The following MYO18A variants were observed in gnomAD, a reference collection of about 807,000 sequenced individuals.
MYO18A encodes myosin XVIIIA, also known as unconventional myosin-XVIIIa.
In MYO18A, 78 loss-of-function variants were observed where a neutral mutation model predicts 235.8. The observed-to-expected ratio is 0.33, with a 90% CI of 0.28 to 0.40. The LOEUF (loss-of-function observed/expected upper bound fraction) is 0.40, where lower values mean the gene tolerates loss of function less well. Among genes scored for constraint, MYO18A ranks in the 10% least tolerant of loss-of-function variants. The pLI is 1.00. For missense variants in MYO18A, 2,215 were observed against 2,699.3 expected, an observed-to-expected ratio of 0.82 and a Z score of 3.98; for synonymous variants, 977 against 1,077.8, an observed-to-expected ratio of 0.91 and a Z score of 1.83.
rs763194345 is a variant in MYO18A, at chr17:29,165,999, G to A, written c.942C>T (p.Ser314=). ...TCCGCAGCCAGCTCCTGCTGAGCTC[G>A]CTGAGCTCTGGAATGGGCTGCACCT... ...RLKVQPIPEL[S]ELSRSWLRSG... The change falls in exon 2 of 42, where the codon AGC becomes AGT. Residue 314 remains serine, a synonymous_variant. Coordinates refer to ENST00000527372, the MANE Select transcript of MYO18A (RefSeq NM_078471.4). 5.6e-6 allele frequency: 9 copies of A among 1,613,570 alleles called. No individual in the cohort carries two copies. The highest frequency in any genetic ancestry group is 1.6e-4 in the Middle Eastern group (1 of 6,062).
chr17:29,130,998 C>T (rs1598354780), intron 2 of MYO18A, among the ~76,000 whole-genome samples: 1 of 152,148 alleles, frequency 6.6e-6, no homozygotes, highest in Admixed American at 6.5e-5. Context: ...TCTCATTCGA[C>T]GCTCCCTGAC....
At position 29,098,234 on chromosome 17, in the gene MYO18A, G is replaced by T; in HGVS notation, c.3871-10C>A. ...ATGTCAGCTCTGAGATCTGGGGTTGGGGGTAGGGAGTCACCACCAGTTGAA... is the reference window on the plus strand; with the variant it reads ...ATGTCAGCTCTGAGATCTGGGGTTGTGGGTAGGGAGTCACCACCAGTTGAA... On this transcript the variant is annotated splice_polypyrimidine_tract_variant and intron_variant, in intron 24 of 41. Transcript: ENST00000527372. The T allele has an allele frequency of 6.2e-7, 1 of 1,613,852 alleles. No individual in the cohort carries two copies. The highest frequency in any genetic ancestry group is 8.5e-7 in the Non-Finnish European group (1 of 1,179,800).
At chr17:29,081,664 C>T (rs1028874617) in intron 41 of MYO18A, among the ~76,000 whole-genome samples, 11 of 152,124 alleles carry the variant, frequency 7.2e-5, no homozygotes, top group Non-Finnish European at 1.5e-4. Context: ...GAGGGCTCTT[C>T]TTTCTCCCTG....
intron 2 of MYO18A, among the ~76,000 whole-genome samples, chr17:29,123,417 A>G (rs938696436): frequency 3.3e-5 from 5 of 152,214 alleles, no homozygotes; most frequent in African/African-American, 1.2e-4. Context: ...AGGCATGGAC[A>G]CTGGCTGGGT....
intron 26 of MYO18A, among the ~76,000 whole-genome samples, chr17:29,097,561 C>G (rs1443632908): frequency 2.0e-5 from 3 of 152,222 alleles, no homozygotes; most frequent in Non-Finnish European, 4.4e-5. Context: ...CTGTGCCCCC[C>G]AAAGGACTGC....
Position 29,073,805 on chromosome 17 carries a change from G to T in MYO18A, c.*965C>A, listed in dbSNP as rs370246950. 1 of 1,539,962 alleles carries T rather than the reference G, an allele frequency of 6.5e-7. No individual in the cohort carries two copies. The highest frequency in any genetic ancestry group is 1.2e-5 in the South Asian group (1 of 80,520). Reference sequence around the variant, plus strand: ...CACAGAGTGAGGACTCATGTCTAATGAGCACCGGCCAAAACTTCCATCTTC... The same window carrying T: ...CACAGAGTGAGGACTCATGTCTAATTAGCACCGGCCAAAACTTCCATCTTC... On this transcript the variant is annotated 3_prime_UTR_variant, in exon 42 of 42. Coordinates refer to ENST00000527372, the MANE Select transcript of MYO18A (RefSeq NM_078471.4).
intron 1 of MYO18A, among the ~76,000 whole-genome samples, chr17:29,175,244 G>A (rs1410902716): frequency 1.3e-5 from 2 of 152,020 alleles, no homozygotes; most frequent in Non-Finnish European, 2.9e-5. Context: ...ATGGGCCACC[G>A]CACTCGGGCT....
chr17:29,170,698 C>A (rs919714023), intron 1 of MYO18A, among the ~76,000 whole-genome samples: 1 of 152,152 alleles, frequency 6.6e-6, no homozygotes, highest in Non-Finnish European at 1.5e-5. Flanking sequence ...GGTATGGACC[C>A]GAATAATCTT....
chr17:29,091,862 G>A (rs926744854), intron 34 of MYO18A: 66 of 329,742 alleles, frequency 2.0e-4, no homozygotes, highest in African/African-American at 4.3e-4. Context: ...ATTCTCTGCC[G>A]ATGGATGGGC....
At chr17:29,143,155 T>C (rs1409793021) in intron 2 of MYO18A, among the ~76,000 whole-genome samples, 1 of 152,206 alleles carries the variant, frequency 6.6e-6, no homozygotes, top group African/African-American at 2.4e-5. Context: ...TAATAGCACC[T>C]ACCACATGGG....
chr17:29,091,443 A>T, intron 34 of MYO18A: 3 of 334,352 alleles, frequency 9.0e-6, no homozygotes, highest in Admixed American at 3.9e-5. Context: ...GAAATGAATG[A>T]ATCTATTAGC....
chr17:29,088,463 C>T (rs1272426725), intron 37 of MYO18A, among the ~76,000 whole-genome samples: 1 of 152,126 alleles, frequency 6.6e-6, no homozygotes, highest in Non-Finnish European at 1.5e-5. Flanking sequence ...TTATTAATGC[C>T]ATCTAGATGC....
intron 40 of MYO18A, 132 bp downstream of exon 40, chr17:29,085,472 G>T (rs1385085259): frequency 2.6e-5 from 20 of 771,202 alleles, no homozygotes; most frequent in African/African-American, 5.2e-5. Context: ...TAGCGTTAGA[G>T]ACCAGTGAGG....
chr17:29,154,121 T>TGTGTGTGTGTGTGTGTGC (rs142430455), intron 2 of MYO18A, among the ~76,000 whole-genome samples: 11 of 149,108 alleles, frequency 7.4e-5, no homozygotes, highest in South Asian at 2.1e-4. Context: ...TGTGTGTGTG[T>TGTGTGTGTGTGTGTGTGC]GCGCGCGCGT....
At chr17:29,131,844 C>T (rs892726701) in intron 2 of MYO18A, among the ~76,000 whole-genome samples, 1 of 152,170 alleles carries the variant, frequency 6.6e-6, no homozygotes, top group African/African-American at 2.4e-5. Context: ...GAACAAAAAG[C>T]CCCAGATCTA....
At chr17:29,177,102 C>G (rs2068551316) in intron 1 of MYO18A, among the ~76,000 whole-genome samples, 1 of 152,102 alleles carries the variant, frequency 6.6e-6, no homozygotes. Context: ...TAAGCCTCCA[C>G]TATTTCAGCT....
intron 10 of MYO18A, among the ~76,000 whole-genome samples, 165 bp from the exon 11 acceptor site, chr17:29,116,620 C>CACACACACACACACAT (rs1392357791): frequency 6.7e-6 from 1 of 149,866 alleles, no homozygotes; most frequent in Non-Finnish European, 1.5e-5. Context: ...AACGCACACA[C>CACACACACACACACAT]ACACAGTCTC....
Position 29,118,197 on chromosome 17 carries a change from G to A in MYO18A, c.1894-8C>T. 1 of 1,597,094 alleles carries A rather than the reference G, an allele frequency of 6.3e-7. No homozygotes were observed. The highest frequency in any genetic ancestry group is 8.5e-7 in the Non-Finnish European group (1 of 1,170,842). ...CTTCTGCTTTTCCTCAGGCTGTGGA[G>A]ATAGATGACCTCAAAGGGCTGTCCC... is the stretch of plus-strand genomic sequence containing the variant. On this transcript the variant is annotated splice_region_variant and splice_polypyrimidine_tract_variant and intron_variant, in intron 9 of 41. Transcript: ENST00000527372. This position sits in a 1 kb window ranked among gnomAD's most constrained non-coding sequence, Gnocchi z 4.2.
chr17:29,092,477 C>T, intron 33 of MYO18A, 21 bp from the exon 34 acceptor site: 1 of 1,588,990 alleles, frequency 6.3e-7, no homozygotes, highest in Non-Finnish European at 8.6e-7. Context: ...ACCACCCCCG[C>T]CCCAGGGAGA....
Sources: gnomAD v4.1 joint callset for allele counts (sites outside exome capture counted in the v4.1 genomes callset) on GRCh38, gnomAD v4.1.1 for gene constraint, Gnocchi (gnomAD v3.1) non-coding constraint, MANE v1.5 for transcripts, NCBI Gene and HGNC (gene_info 2026-07-23, HGNC 2026-07-21) for gene names.